The following PKN2 variants were observed in gnomAD, a reference collection of about 807,000 sequenced individuals.
PKN2 encodes the protein serine/threonine-protein kinase N2.
A neutral mutation model predicts 119.1 loss-of-function variants in PKN2; 38 were observed. That is an observed-to-expected ratio of 0.32 (90% CI 0.25 to 0.42). The LOEUF (loss-of-function observed/expected upper bound fraction) is 0.42. PKN2 is among the 10% of genes least tolerant of loss of function. The pLI is 1.00. For missense variants in PKN2, 850 were observed against 1,165.1 expected (o/e 0.73, Z 3.94); for synonymous variants, 390 against 384.9 (o/e 1.01, Z -0.15).
chr1:88,824,836 A>G (rs534187197), intron 18 of PKN2, among the ~76,000 whole-genome samples: 2 of 152,380 alleles, frequency 1.3e-5, no homozygotes, highest in East Asian at 3.9e-4. Flanking sequence ...GGAAATTTGA[A>G]TCAGAGGTAA....
rs1032206132 is a variant in PKN2, at chr1:88,760,210, T to C, written c.350-12T>C. On this transcript the variant is annotated splice_polypyrimidine_tract_variant and intron_variant, in intron 2 of 21. Transcript: ENST00000370521. Reference sequence around the variant, plus strand: ...ATTCTAATAAGTAATTTTAACAATATTTTATTTACAGATTGCCCAAGGACT... The same window carrying C: ...ATTCTAATAAGTAATTTTAACAATACTTTATTTACAGATTGCCCAAGGACT... The C allele has an allele frequency of 7.6e-6, 11 of 1,440,268 alleles. No homozygotes were observed. In the African/African-American group the frequency reaches 1.3e-4, roughly 17 times the overall value. The allele number at this position is 1,440,268 out of a possible 1,614,324, so 89.2% of individuals were successfully genotyped here.
At chr1:88,794,367 CA>C (rs61455908) in intron 8 of PKN2, among the ~76,000 whole-genome samples, 1,338 of 117,260 alleles carry the variant, frequency 0.011, 12 homozygotes, top group East Asian at 0.071. Flanking sequence ...AATTCTGTCT[CA>C]AAAAAAAAAA....
chr1:88,832,146 C>CA (rs1672753443), intron 19 of PKN2, among the ~76,000 whole-genome samples: 2 of 151,962 alleles, frequency 1.3e-5, no homozygotes, highest in Non-Finnish European at 2.9e-5. Flanking sequence ...CTTCTTAATA[C>CA]AGTCATTATG....
intron 1 of PKN2, among the ~76,000 whole-genome samples, chr1:88,705,303 T>C (rs1666932071): frequency 6.6e-6 from 1 of 152,186 alleles, no homozygotes; most frequent in African/African-American, 2.4e-5. Context: ...TTTAGTTTTA[T>C]GATCCATTGT....
At chr1:88,693,694 T>G (rs1384495290) in intron 1 of PKN2, among the ~76,000 whole-genome samples, 1 of 152,072 alleles carries the variant, frequency 6.6e-6, no homozygotes. Context: ...CTGGGCAGCA[T>G]AGTGAGACCC....
chr1:88,758,222 C>T (rs563414544), intron 2 of PKN2, among the ~76,000 whole-genome samples: 2 of 151,744 alleles, frequency 1.3e-5, no homozygotes, highest in African/African-American at 4.8e-5. Context: ...ATTAATAGTT[C>T]CCATTTTTAT....
intron 1 of PKN2, among the ~76,000 whole-genome samples, chr1:88,739,628 A>G (rs956507442): frequency 6.6e-6 from 1 of 152,176 alleles, no homozygotes; most frequent in Non-Finnish European, 1.5e-5. Context: ...CATAAACTCA[A>G]ATCTCCTCCC....
chr1:88,756,305 T>C (rs1350781728), intron 2 of PKN2, among the ~76,000 whole-genome samples: 1 of 152,182 alleles, frequency 6.6e-6, no homozygotes, highest in Non-Finnish European at 1.5e-5. Context: ...GATGAGACTT[T>C]ATTGCATTTT....
At chr1:88,779,917 A>T (rs1336682392) in intron 6 of PKN2, among the ~76,000 whole-genome samples, 1 of 152,234 alleles carries the variant, frequency 6.6e-6, no homozygotes, top group African/African-American at 2.4e-5. Context: ...GGGCCACATC[A>T]GGATTTTGTT....
intron 1 of PKN2, among the ~76,000 whole-genome samples, chr1:88,737,220 G>A (rs971072520): frequency 1.3e-5 from 2 of 152,190 alleles, no homozygotes; most frequent in Non-Finnish European, 2.9e-5. Flanking sequence ...TGCTGCTGAG[G>A]TTTATTTGTG....
intron 12 of PKN2, 38 bp from the exon 13 acceptor site, chr1:88,807,275 G>A (rs1671583943): frequency 3.8e-6 from 5 of 1,298,742 alleles, no homozygotes; most frequent in Middle Eastern, 2.4e-4. Flanking sequence ...TGTTTTCTGG[G>A]TATTTCTATG....
chr1:88,779,253 CT>C (rs1670231933), intron 6 of PKN2, among the ~76,000 whole-genome samples: 1 of 152,044 alleles, frequency 6.6e-6, no homozygotes, highest in Admixed American at 6.6e-5. Context: ...GTGTCCCTTG[CT>C]TTTTGGATTT....
chr1:88,789,682 T>G lies in PKN2; in HGVS notation c.1281+3469T>G, dbSNP rs139188365. Reference sequence around the variant, plus strand: ...TATCTCATAATAATAATAATAATAATAATAATAATAACAACAACAAAATAA... The same window carrying G: ...TATCTCATAATAATAATAATAATAAGAATAATAATAACAACAACAAAATAA... On this transcript the variant is annotated intron_variant, in intron 8 of 21. Coordinates refer to ENST00000370521, the MANE Select transcript of PKN2 (RefSeq NM_006256.4). 4.6e-3 allele frequency among the ~76,000 whole-genome samples: 687 copies of G among 150,864 alleles called. 6 individuals are homozygous for G. Among genetic ancestry groups the G allele is most frequent in the African/African-American group, 0.016 (645 of 41,048 alleles).
chr1:88,745,297 T>C (rs1305098291), intron 2 of PKN2, among the ~76,000 whole-genome samples: 1 of 152,112 alleles, frequency 6.6e-6, no homozygotes, highest in African/African-American at 2.4e-5. Context: ...ATAAAAGATA[T>C]ACAGATAGGA....
Position 88,833,462 on chromosome 1 carries a change from G to A in PKN2, c.*14G>A, listed in dbSNP as rs1177008226. ...GATTGGTGTTAAGTTGCTAGACACT[G>A]CGAAACCAAGCTGACTCACAAGAAG... On this transcript the variant is annotated 3_prime_UTR_variant, in exon 22 of 22. Coordinates refer to ENST00000370521, the MANE Select transcript of PKN2 (RefSeq NM_006256.4). 4 of 1,603,978 alleles carry A rather than the reference G, an allele frequency of 2.5e-6. No homozygotes were observed. In the African/African-American group the frequency reaches 4.0e-5, roughly 16 times the overall value.
intron 1 of PKN2, among the ~76,000 whole-genome samples, chr1:88,710,218 A>G (rs1373916403): frequency 2.0e-5 from 3 of 152,206 alleles, no homozygotes; most frequent in Admixed American, 1.3e-4. Flanking sequence ...TAAGTGCCAT[A>G]TTAGTATAGA....
chr1:88,778,026 G>C (rs536894673), intron 6 of PKN2, among the ~76,000 whole-genome samples: 1 of 152,174 alleles, frequency 6.6e-6, no homozygotes, highest in East Asian at 1.9e-4. Context: ...CTTTCTACCA[G>C]TTGCCAATCA....
chr1:88,781,363 C>T (rs1050628140), intron 6 of PKN2, among the ~76,000 whole-genome samples: 1 of 150,342 alleles, frequency 6.7e-6, no homozygotes, highest in African/African-American at 2.5e-5. Context: ...GAGGATATTT[C>T]TGCAGAATTA....
At chr1:88,815,536 C>A (rs538641594) in intron 16 of PKN2, 1 of 241,204 alleles carries the variant, frequency 4.1e-6, no homozygotes, top group African/African-American at 2.4e-5. Context: ...AGAACCATAT[C>A]TGTCCTGTTT....
Sources: gnomAD v4.1 joint callset for allele counts (sites outside exome capture counted in the v4.1 genomes callset) on GRCh38, gnomAD v4.1.1 for gene constraint, MANE v1.5 for transcripts, NCBI Gene and HGNC (gene_info 2026-07-23, HGNC 2026-07-21) for gene names.